The following LAMA1 variants were observed in gnomAD, a reference collection of about 807,000 sequenced individuals.
The protein encoded by LAMA1 is laminin subunit alpha 1.
Under a neutral mutation model 348.7 loss-of-function variants are expected in LAMA1, and 219 were observed. The ratio of observed to expected loss-of-function variants is 0.63; its 90% confidence interval spans 0.56 to 0.70. LAMA1 has a LOEUF of 0.70. Ranked by LOEUF, LAMA1 falls within the 30% of genes least tolerant of loss-of-function variation. The pLI is 0.00. For missense variants in LAMA1, 3,744 were observed against 3,888.0 expected (o/e 0.96, Z 0.99); for synonymous variants, 1,487 against 1,491.0 (o/e 1.00, Z 0.06).
At chr18:7,099,621 C>T (rs2143817815) in intron 1 of LAMA1, among the ~76,000 whole-genome samples, 1 of 151,670 alleles carries the variant, frequency 6.6e-6, no homozygotes, top group Non-Finnish European at 1.5e-5. Context: ...TTGGATTAGG[C>T]AAAGAAATTC....
intron 46 of LAMA1, among the ~76,000 whole-genome samples, chr18:6,974,300 G>T (rs1051974717): frequency 1.3e-5 from 2 of 152,010 alleles, no homozygotes; most frequent in Non-Finnish European, 2.9e-5. Flanking sequence ...GGTGCAAAAT[G>T]TTGTTATGAT....
chr18:7,102,549 T>C (rs891958597), intron 1 of LAMA1, among the ~76,000 whole-genome samples: 3 of 152,198 alleles, frequency 2.0e-5, no homozygotes, highest in Non-Finnish European at 2.9e-5. Flanking sequence ...AGAAATGTAG[T>C]GTTTAATTAC....
chr18:7,076,446 G>T (rs1293683744), intron 3 of LAMA1, among the ~76,000 whole-genome samples: 1 of 152,078 alleles, frequency 6.6e-6, no homozygotes, highest in Non-Finnish European at 1.5e-5. Context: ...AGCTGAATTT[G>T]GTGTATAGGA....
chr18:7,071,566 G>C (rs959740518), intron 3 of LAMA1, among the ~76,000 whole-genome samples: 4 of 152,178 alleles, frequency 2.6e-5, no homozygotes, highest in African/African-American at 9.7e-5. Flanking sequence ...AAAATGTCAG[G>C]CCTGAGGATT....
At chr18:7,010,602 A>C (rs2057855245) in intron 25 of LAMA1, among the ~76,000 whole-genome samples, 1 of 152,232 alleles carries the variant, frequency 6.6e-6, no homozygotes, top group South Asian at 2.1e-4. Flanking sequence ...AAACAAACAA[A>C]AGTGAGCTCC....
At chr18:6,943,121 C>T in intron 62 of LAMA1, 59 bp downstream of exon 62, 1 of 1,465,416 alleles carries the variant, frequency 6.8e-7, no homozygotes, top group Middle Eastern at 2.0e-4. Context: ...CCACCTGAAC[C>T]AAGACTTCCT....
intron 48 of LAMA1, among the ~76,000 whole-genome samples, chr18:6,969,645 G>A (rs993115053): frequency 6.6e-6 from 1 of 152,182 alleles, no homozygotes; most frequent in African/African-American, 2.4e-5. Flanking sequence ...TCAGACCCTA[G>A]TTTGGTTGAG....
intron 57 of LAMA1, chr18:6,955,118 A>G (rs2057569156): frequency 1.3e-5 from 7 of 552,536 alleles, no homozygotes; most frequent in South Asian, 1.2e-4. Context: ...AGAAAGGGGA[A>G]GCCAGCCACT....
At chr18:6,991,579 C>T (rs138951475) in intron 36 of LAMA1, among the ~76,000 whole-genome samples, 2 of 151,694 alleles carry the variant, frequency 1.3e-5, no homozygotes, top group South Asian at 2.1e-4. Flanking sequence ...TTAGTAGAGA[C>T]GGGTTTTGCC....
chr18:7,050,891 G>T lies in LAMA1; in HGVS notation c.391C>A (p.Arg131=). 6.2e-7 allele frequency: 1 copy of T among 1,614,158 alleles called. No individual in the cohort carries two copies. The part of the protein sequence containing the change: ...YVIIKAANAP[R]PGNWILERSL... ...CGCTCCAAAATCCAGTTTCCAGGTC[G>T]AGGGGCATTGGCAGCTTTAATGATG... Residue 131 remains arginine (R), a synonymous_variant, in exon 4 of 63, where the codon CGA becomes AGA. Coordinates refer to ENST00000389658, the MANE Select transcript of LAMA1 (RefSeq NM_005559.4).
At chr18:7,081,753 T>C (rs771052706) in intron 1 of LAMA1, among the ~76,000 whole-genome samples, 4 of 152,224 alleles carry the variant, frequency 2.6e-5, no homozygotes, top group Non-Finnish European at 5.9e-5. Flanking sequence ...TCTCCAGGCA[T>C]GGACACTGAG....
chr18:6,963,598 A>G (rs2057618809), intron 51 of LAMA1, among the ~76,000 whole-genome samples: 1 of 152,214 alleles, frequency 6.6e-6, no homozygotes, highest in Non-Finnish European at 1.5e-5. Context: ...TCTGTGCCAC[A>G]TAAGAGGAGT....
chr18:6,958,333 T>C (rs2057589989), intron 55 of LAMA1, 144 bp downstream of exon 55: 2 of 799,948 alleles, frequency 2.5e-6, no homozygotes, highest in Non-Finnish European at 4.2e-6. Context: ...GAGACTTACA[T>C]GATAGAACAA....
chr18:7,015,174 G>C (rs143933981), intron 22 of LAMA1, among the ~76,000 whole-genome samples: 10 of 152,290 alleles, frequency 6.6e-5, no homozygotes, highest in African/African-American at 2.4e-4. Context: ...AACCATCAAT[G>C]CAACAACTAG....
In LAMA1 at chr18:7,032,030, G is replaced by A. The variant is rs781440832; in HGVS notation, c.2274+36C>T. 6 of 1,532,148 alleles carry A rather than the reference G, an allele frequency of 3.9e-6. No individual in the cohort carries two copies. In the South Asian group the frequency reaches 5.6e-5, roughly 14 times the overall value. 94.9% of individuals were successfully genotyped at this position (1,532,148 alleles called of 1,614,324 possible). On this transcript the variant is annotated intron_variant, in intron 16 of 62. Coordinates refer to ENST00000389658, the MANE Select transcript of LAMA1 (RefSeq NM_005559.4). ...ACACAGCAAATGGCTCTGAATTGAG[G>A]AGGAGAGGGCACCTGAACTACAGTG...
At chr18:6,970,909 G>A (rs898320328) in intron 48 of LAMA1, among the ~76,000 whole-genome samples, 13 of 152,116 alleles carry the variant, frequency 8.5e-5, no homozygotes, top group African/African-American at 3.1e-4. Flanking sequence ...CACCATGACC[G>A]CCTGGTCCTA....
chr18:7,033,132 C>T (rs368659827), intron 14 of LAMA1, 37 bp from the exon 15 acceptor site: 93 of 1,380,298 alleles, frequency 6.7e-5, no homozygotes, highest in Non-Finnish European at 8.1e-5. Context: ...CTCACACGCT[C>T]GCAAATACAT....
At chr18:6,974,424 C>A (rs2144033922) in intron 46 of LAMA1, among the ~76,000 whole-genome samples, 1 of 149,524 alleles carries the variant, frequency 6.7e-6, no homozygotes, top group South Asian at 2.1e-4. Flanking sequence ...AAAAGAAGTT[C>A]TGTCACTTGT....
At chr18:7,007,049 A>G (rs1197840357) in intron 29 of LAMA1, 90 bp downstream of exon 29, 2 of 1,553,796 alleles carry the variant, frequency 1.3e-6, no homozygotes, top group Non-Finnish European at 1.8e-6. Context: ...TCACTAAACC[A>G]AGGCACGGCT....
Sources: allele counts gnomAD v4.1 joint callset (sites outside exome capture counted in the v4.1 genomes callset), GRCh38; gene constraint gnomAD v4.1.1; transcripts MANE v1.5; gene names NCBI Gene and HGNC (gene_info 2026-07-23, HGNC 2026-07-21).